Variants in C12orf57 observed in about 807,000 individuals in gnomAD.
The protein encoded by C12orf57 is chromosome 12 open reading frame 57.
C12orf57 carries 14 observed loss-of-function variants against 11.3 expected under a neutral mutation model. The observed-to-expected ratio is 1.24, with a 90% CI of 0.82 to 1.94. The LOEUF is 1.94. Ranked by LOEUF, C12orf57 falls within the 30% of genes most tolerant of loss-of-function variation. C12orf57 has a pLI of 0.00. For synonymous variants in C12orf57, 100 were observed against 74.6 expected (o/e 1.34, Z -1.76); for missense variants, 229 against 172.4 (o/e 1.33, Z -1.84).
At chr12:6,945,311 C>T (rs1945774238) in intron 2 of C12orf57, among the ~76,000 whole-genome samples, 1 of 152,196 alleles carries the variant, frequency 6.6e-6, no homozygotes, top group Non-Finnish European at 1.5e-5. Flanking sequence ...AGTGACATGT[C>T]TGCATGACAG....
At chr12:6,943,790 C>A, upstream of C12orf57, 1 of 929,948 alleles carries the variant, frequency 1.1e-6, no homozygotes, top group Non-Finnish European at 1.5e-6. Context: ...CTTTATATCC[C>A]ATCTTCTCTC....
chr12:6,943,774 G>A (rs1449871883), upstream of C12orf57: 7 of 1,042,458 alleles, frequency 6.7e-6, no homozygotes, highest in East Asian at 1.9e-4. Flanking sequence ...ATCAATTGTG[G>A]AGTTCCTTTA....
At position 6,945,169 on chromosome 12, in the gene C12orf57, T is replaced by G. The variant is rs116313162; in HGVS notation, c.229+517T>G. ...GGCACTCATAATTTCAGATTTTGGA[T>G]TTTCTAATTAAGGATGGTCAACCTG... On this transcript the variant is annotated intron_variant, in intron 2 of 2. Coordinates refer to ENST00000229281, the MANE Select transcript of C12orf57 (RefSeq NM_138425.4). 346 of 199,590 alleles carry G rather than the reference T, an allele frequency of 1.7e-3. 1 individual carries two copies. Among genetic ancestry groups the G allele is most frequent in the African/African-American group, 7.8e-3 (334 of 43,044 alleles). 12.4% of individuals were successfully genotyped at this position (199,590 alleles called of 1,614,324 possible). A position where few individuals can be genotyped will look rare whatever the true frequency, so the allele number is the denominator to read the frequency against.
upstream of C12orf57, chr12:6,943,989 C>A: frequency 1.3e-6 from 2 of 1,587,390 alleles, no homozygotes; most frequent in Non-Finnish European, 1.7e-6. Flanking sequence ...TTGGGCCACG[C>A]CTGGGCGCTT....
chr12:6,943,997 C>G (rs782703985), upstream of C12orf57: 157 of 1,590,614 alleles, frequency 9.9e-5, no homozygotes, highest in Middle Eastern at 1.8e-4. Context: ...CGCCTGGGCG[C>G]TTCCGGCTGC....
At chr12:6,944,251 C>T (rs1591674052) in intron 1 of C12orf57, 78 bp downstream of exon 1, 1 of 1,609,202 alleles carries the variant, frequency 6.2e-7, no homozygotes. Context: ...GGGGAGGATG[C>T]GGGCGGAGGA....
intron 2 of C12orf57, chr12:6,944,930 A>G: frequency 7.9e-7 from 1 of 1,273,556 alleles, no homozygotes; most frequent in Non-Finnish European, 1.0e-6. Context: ...ATTTACATAT[A>G]CATGGATATC....
At chr12:6,945,085 T>C (rs1555146280) in intron 2 of C12orf57, 3 of 298,576 alleles carry the variant, frequency 1.0e-5, no homozygotes, top group Non-Finnish European at 1.9e-5. Flanking sequence ...TTGACTACAG[T>C]CTCCCCCACC....
At chr12:6,943,717 T>C, upstream of C12orf57, 4 of 1,273,582 alleles carry the variant, frequency 3.1e-6, no homozygotes, top group Non-Finnish European at 4.1e-6. Context: ...TGCGTCGTTG[T>C]TTATACAGTA....
At chr12:6,944,413 G>C in intron 1 of C12orf57, 63 bp from the exon 2 acceptor site, 1 of 1,577,340 alleles carries the variant, frequency 6.3e-7, no homozygotes, top group South Asian at 1.1e-5. Flanking sequence ...CTCTCCGCTG[G>C]GCCCGCTGTC....
chr12:6,944,293 G>C, intron 1 of C12orf57, 120 bp downstream of exon 1: 1 of 1,595,886 alleles, frequency 6.3e-7, no homozygotes, highest in Non-Finnish European at 8.6e-7. Flanking sequence ...ACGTCCGCCG[G>C]GAAAATGGGG....
At chr12:6,943,909 T>G (rs908009124), upstream of C12orf57, 5 of 1,201,538 alleles carry the variant, frequency 4.2e-6, no homozygotes, top group Admixed American at 2.8e-5. Flanking sequence ...TGATAGATTG[T>G]TTTCACTGTG....
upstream of C12orf57, chr12:6,943,965 T>G (rs1338984288): frequency 4.0e-5 from 62 of 1,544,282 alleles, no homozygotes; most frequent in East Asian, 4.5e-4. Context: ...GTTGTAAGCT[T>G]GGGGTATGAA....
chr12:6,944,717 C>T lies in C12orf57; in HGVS notation c.229+65C>T, dbSNP rs1945753148. The T allele has an allele frequency of 7.5e-6, 12 of 1,596,388 alleles. No individual in the cohort carries two copies. In the East Asian group the frequency reaches 1.4e-4, roughly 18 times the overall value. On this transcript the variant is annotated intron_variant, in intron 2 of 2. Transcript: ENST00000229281. ...CGGGAGTTGGGTCGGGAGAGGGCGC[C>T]GGATCTGTGGGCCCATGAGCGGTTG... is the stretch of plus-strand genomic sequence containing the variant.
intron 2 of C12orf57, chr12:6,944,906 T>G: frequency 7.3e-7 from 1 of 1,378,172 alleles, no homozygotes. Context: ...TCGGGTTTTT[T>G]CAGATTTCGG....
upstream of C12orf57, chr12:6,943,880 T>TTA: frequency 2.0e-6 from 2 of 1,008,766 alleles, no homozygotes; most frequent in South Asian, 1.7e-5. Context: ...AAAGCCCCTC[T>TTA]TATGATGTTT....
Position 6,944,335 on chromosome 12 carries a change from G to A in C12orf57, c.53-141G>A. On this transcript the variant is annotated intron_variant, in intron 1 of 2. Coordinates refer to ENST00000229281, the MANE Select transcript of C12orf57 (RefSeq NM_138425.4). ...ACGCCGGGTACCGTCCTTCTAAGTG[G>A]GGCGCTTGCCCCCAAGACTTGGGAT... The A allele has an allele frequency of 3.2e-6, 5 of 1,562,698 alleles. No homozygotes were observed. The East Asian group carries it at 1.2e-4, about 37-fold the overall frequency.
chr12:6,944,000 C>T (rs1174379753), upstream of C12orf57: 41 of 1,586,344 alleles, frequency 2.6e-5, no homozygotes, highest in Middle Eastern at 3.6e-4. Flanking sequence ...CTGGGCGCTT[C>T]CGGCTGCGCC....
chr12:6,943,493 G>C (rs782377845), upstream of C12orf57: 3 of 1,273,078 alleles, frequency 2.4e-6, no homozygotes, highest in South Asian at 1.3e-5. Flanking sequence ...AAGGCCTTTA[G>C]GAAACTGCGA....
Sources: allele counts gnomAD v4.1 joint callset (sites outside exome capture counted in the v4.1 genomes callset), GRCh38; gene constraint gnomAD v4.1.1; transcripts MANE v1.5; gene names NCBI Gene and HGNC (gene_info 2026-07-23, HGNC 2026-07-21).